Variants in CEP68 observed in about 807,000 individuals in gnomAD.
CEP68 encodes the protein centrosomal protein of 68 kDa.
In CEP68, 26 loss-of-function variants were observed where a neutral mutation model predicts 55.3. The observed-to-expected ratio is 0.47, with a 90% CI of 0.34 to 0.65. The LOEUF is 0.65. CEP68 is among the 30% of genes least tolerant of loss of function. The probability of loss-of-function intolerance (pLI) is 0.01; values close to 1 mark genes in which losing one functional copy is unlikely to be tolerated. For missense variants in CEP68, 957 were observed against 946.7 expected, an observed-to-expected ratio of 1.01 and a Z score of -0.14; for synonymous variants, 402 against 383.2, an observed-to-expected ratio of 1.05 and a Z score of -0.57.
chr2:65,064,119 C>T lies in CEP68; in HGVS notation c.-46-5280C>T, dbSNP rs184366310. Among the ~76,000 whole-genome samples the T allele has an allele frequency of 6.9e-3, 1,045 of 152,312 alleles. 13 individuals are homozygous for T. Among genetic ancestry groups the T allele is most frequent in the African/African-American group, 0.024 (982 of 41,558 alleles). On this transcript the variant is annotated intron_variant, in intron 1 of 6. Coordinates refer to ENST00000377990, the MANE Select transcript of CEP68 (RefSeq NM_015147.3). ...TGAAAATCATTGAATTTCAGATCTT[C>T]TTACCTGGTTGCTGAAGGGACTTTG...
intron 2 of CEP68, among the ~76,000 whole-genome samples, 177 bp downstream of exon 2, chr2:65,069,978 G>A (rs1324308915): frequency 3.3e-5 from 5 of 152,172 alleles, no homozygotes; most frequent in South Asian, 2.1e-4. Context: ...CCTCAGGACC[G>A]GCCGGGGGGA....
Position 65,069,471 on chromosome 2 carries a change from A to C in CEP68, c.27A>C (p.Glu9Asp), listed in dbSNP as rs1005841044. ...TGGCCCTGGGTGAAGAAAAGGCAGAAGCGGAAGCATCTGAAGACACAAAGG... is the reference window on the plus strand; with the variant it reads ...TGGCCCTGGGTGAAGAAAAGGCAGACGCGGAAGCATCTGAAGACACAAAGG... MALGEEKA[E>D]AEASEDTKAQ... The change falls in exon 2 of 7, where the codon GAA (glutamate) becomes GAC (aspartate). Residue 9 changes from glutamate to aspartate, a missense_variant. Physicochemically the swap from Glu to Asp is conservative, Grantham distance 45. Transcript: ENST00000377990. 10 of 1,519,328 alleles carry C rather than the reference A, an allele frequency of 6.6e-6. No individual in the cohort carries two copies. Among genetic ancestry groups the C allele is most frequent in the Non-Finnish European group, 8.8e-6 (10 of 1,133,060 alleles). The allele number at this position is 1,519,328 out of a possible 1,614,324, so 94.1% of individuals were successfully genotyped here. A position where few individuals can be genotyped will look rare whatever the true frequency, so the allele number is the denominator to read the frequency against.
intron 1 of CEP68, among the ~76,000 whole-genome samples, chr2:65,058,216 C>G (rs1411565159): frequency 6.6e-6 from 1 of 151,940 alleles, no homozygotes; most frequent in African/African-American, 2.4e-5. Flanking sequence ...TATCCGATCC[C>G]TTTTTTTGAG....
At chr2:65,064,733 C>CA (rs766499382) in intron 1 of CEP68, among the ~76,000 whole-genome samples, 30,705 of 94,430 alleles carry the variant, frequency 0.33, 4,060 homozygotes, top group Middle Eastern at 0.47. Context: ...GACTCCGTCT[C>CA]AAAAAAAAAA....
In CEP68 at chr2:65,081,240, AGAACCCAGCCC is replaced by A. The variant is rs1168917959; in HGVS notation, c.2105-1295_2105-1285del. Among the ~76,000 whole-genome samples, 490 of 151,494 alleles carry A rather than the reference AGAACCCAGCCC, an allele frequency of 3.2e-3. 1 individual carries two copies. Among genetic ancestry groups the A allele is most frequent in the Non-Finnish European group, 5.8e-3 (394 of 67,888 alleles). On this transcript the variant is annotated intron_variant, in intron 5 of 6. Transcript: ENST00000377990. ...AAAAAAAAAAAAGAAACTGGAGGGT[AGAACCCAGCCC>A]AGCCACCCTTACAGCCAAGCTTTAC...
chr2:65,080,397 C>CT, intron 5 of CEP68: 1 of 985,358 alleles, frequency 1.0e-6, no homozygotes, highest in Non-Finnish European at 1.2e-6. Context: ...GGGTGCAAAA[C>CT]TTAACTTTTC....
intron 4 of CEP68, among the ~76,000 whole-genome samples, chr2:65,076,522 C>T (rs1676762285): frequency 2.0e-5 from 3 of 152,290 alleles, no homozygotes; most frequent in Middle Eastern, 3.4e-3. Flanking sequence ...GTGCATGGCT[C>T]ATGCGTATGT....
intron 1 of CEP68, among the ~76,000 whole-genome samples, chr2:65,063,047 A>T (rs1281800623): frequency 2.0e-5 from 3 of 152,200 alleles, no homozygotes; most frequent in Non-Finnish European, 4.4e-5. Flanking sequence ...GTGATGCAGC[A>T]TATACGAAGA....
At position 65,069,743 on chromosome 2, in the gene CEP68, G is replaced by C. The variant is rs1170749302; in HGVS notation, c.299G>C (p.Ser100Thr). The change falls in exon 2 of 7, where the codon AGT becomes ACT. Residue 100 changes from serine (S) to threonine (T), a missense_variant. By Grantham distance (58) the Ser-to-Thr change is moderately conservative. Transcript: ENST00000377990. ...GCTGAGAGGTCTGAGCCTGCACTCAGTGGCCTGCCTCCTGCCACCATGGGG... is the reference window on the plus strand; with the variant it reads ...GCTGAGAGGTCTGAGCCTGCACTCACTGGCCTGCCTCCTGCCACCATGGGG... ...PVAERSEPAL[S>T]GLPPATMGSG... 19 of 1,614,128 alleles carry C rather than the reference G, an allele frequency of 1.2e-5. No individual in the cohort carries two copies. Among genetic ancestry groups the C allele is most frequent in the Non-Finnish European group, 1.6e-5 (19 of 1,180,044 alleles).
intron 5 of CEP68, among the ~76,000 whole-genome samples, chr2:65,082,276 C>G (rs2103804505): frequency 6.6e-6 from 1 of 152,288 alleles, no homozygotes; most frequent in South Asian, 2.1e-4. Context: ...TCTCTGTGCC[C>G]TTCTGTGAAT....
chr2:65,057,001 C>A (rs1422924707), intron 1 of CEP68, among the ~76,000 whole-genome samples: 1 of 146,558 alleles, frequency 6.8e-6, no homozygotes, highest in Non-Finnish European at 1.5e-5. Context: ...AAGATGGAGA[C>A]CAGTGATGTC....
chr2:65,078,590 G>C (rs748777154), intron 5 of CEP68, among the ~76,000 whole-genome samples: 9 of 152,242 alleles, frequency 5.9e-5, no homozygotes, highest in Non-Finnish European at 1.3e-4. Context: ...CAAGGCTGGA[G>C]TGCAGTGGTG....
Position 65,077,859 on chromosome 2 carries a change from C to T in CEP68, c.2008-9C>T, listed in dbSNP as rs373721627. The T allele has an allele frequency of 2.5e-5, 40 of 1,594,970 alleles. No homozygotes were observed. Among genetic ancestry groups the T allele is most frequent in the African/African-American group, 8.1e-5 (6 of 74,042 alleles). ...GCTTCTGCCTTTTCTTTTTCTGATA[C>T]GCCTTAAGCAATTTAAGAAAGATAT... is the stretch of plus-strand genomic sequence containing the variant. On this transcript the variant is annotated splice_polypyrimidine_tract_variant and intron_variant, in intron 4 of 6. Coordinates refer to ENST00000377990, the MANE Select transcript of CEP68 (RefSeq NM_015147.3).
At chr2:65,075,484 A>AT (rs1447176753) in intron 4 of CEP68, among the ~76,000 whole-genome samples, 2 of 152,140 alleles carry the variant, frequency 1.3e-5, no homozygotes, top group Non-Finnish European at 2.9e-5. Flanking sequence ...TTTCTTTTTC[A>AT]TTAAGATTTT....
chr2:65,059,774 A>G (rs1430472729), intron 1 of CEP68, among the ~76,000 whole-genome samples: 3 of 152,190 alleles, frequency 2.0e-5, no homozygotes, highest in Non-Finnish European at 4.4e-5. Flanking sequence ...GCTAAAATGC[A>G]GGTTCTCATT....
chr2:65,077,496 G>T (rs1676821137), intron 4 of CEP68, among the ~76,000 whole-genome samples: 1 of 152,174 alleles, frequency 6.6e-6, no homozygotes, highest in Admixed American at 6.5e-5. Context: ...TTTAATGGCA[G>T]ATCTCCTGTG....
intron 5 of CEP68, chr2:65,080,154 A>C (rs1216082688): frequency 1.2e-6 from 1 of 864,768 alleles, no homozygotes; most frequent in Non-Finnish European, 1.4e-6. Flanking sequence ...AAGGCCTCTT[A>C]AAAGCTTCAG....
chr2:65,078,322 A>G (rs1676856624), intron 5 of CEP68, among the ~76,000 whole-genome samples: 2 of 152,200 alleles, frequency 1.3e-5, no homozygotes, highest in Admixed American at 1.3e-4. Flanking sequence ...TTTAGTGGGT[A>G]TCCCTTTGGT....
intron 1 of CEP68, among the ~76,000 whole-genome samples, chr2:65,066,724 C>A (rs1293432471): frequency 1.0e-4 from 3 of 29,992 alleles, no homozygotes; most frequent in African/African-American, 1.3e-4. Context: ...GAGACTCTGT[C>A]TCAAAAAAAA....
Sources: allele counts gnomAD v4.1 joint callset (sites outside exome capture counted in the v4.1 genomes callset), GRCh38; gene constraint gnomAD v4.1.1; transcripts MANE v1.5; gene names NCBI Gene and HGNC (gene_info 2026-07-23, HGNC 2026-07-21).